The following MAGI2 variants were observed in gnomAD, a reference collection of about 807,000 sequenced individuals.
MAGI2 encodes the protein membrane associated guanylate kinase, WW and PDZ domain containing 2.
A neutral mutation model predicts 133.3 loss-of-function variants in MAGI2; 35 were observed. The ratio of observed to expected loss-of-function variants is 0.26; its 90% confidence interval spans 0.20 to 0.35. The LOEUF (loss-of-function observed/expected upper bound fraction) is 0.35. Ranked by LOEUF, MAGI2 falls within the 10% of genes least tolerant of loss-of-function variation. The probability of loss-of-function intolerance (pLI) is 1.00; values close to 1 mark genes in which losing one functional copy is unlikely to be tolerated. For synonymous variants in MAGI2, 729 were observed against 710.6 expected (o/e 1.03, Z -0.41); for missense variants, 1,636 against 1,863.4 (o/e 0.88, Z 2.25).
intron 1 of MAGI2, among the ~76,000 whole-genome samples, chr7:79,113,828 A>C (rs181699611): frequency 4.0e-4 from 61 of 151,834 alleles, no homozygotes; most frequent in African/African-American, 1.4e-3. Context: ...ACACACACAC[A>C]CACACACACT....
At chr7:78,698,542 A>G (rs1245790663) in intron 2 of MAGI2, among the ~76,000 whole-genome samples, 1 of 152,202 alleles carries the variant, frequency 6.6e-6, no homozygotes, top group Non-Finnish European at 1.5e-5. Flanking sequence ...CGGTACGTTT[A>G]AGAAAATAAT....
chr7:79,198,780 C>T (rs1026740519), intron 1 of MAGI2, among the ~76,000 whole-genome samples: 3 of 151,742 alleles, frequency 2.0e-5, no homozygotes, highest in Admixed American at 6.6e-5. Flanking sequence ...ACCAGCTATT[C>T]GGGAGGCTGA....
intron 16 of MAGI2, among the ~76,000 whole-genome samples, chr7:78,151,215 T>C (rs1384795390): frequency 6.6e-6 from 1 of 152,046 alleles, no homozygotes; most frequent in African/African-American, 2.4e-5. Context: ...TAGGTCCTAT[T>C]CATTCTGACC....
At chr7:79,378,924 G>GTATATATATATA (rs745327540) in intron 1 of MAGI2, among the ~76,000 whole-genome samples, 28 of 48,192 alleles carry the variant, frequency 5.8e-4, no homozygotes, top group East Asian at 1.1e-3. Context: ...ATATGTGTGT[G>GTATATATATATA]TGTATATATA....
chr7:78,450,695 T>G (rs1788634646), intron 6 of MAGI2, among the ~76,000 whole-genome samples: 1 of 152,038 alleles, frequency 6.6e-6, no homozygotes, highest in Admixed American at 6.6e-5. Context: ...TTGGCACAGA[T>G]AGCAAATACA....
At chr7:78,172,131 C>T (rs771758931) in intron 14 of MAGI2, among the ~76,000 whole-genome samples, 43 of 152,264 alleles carry the variant, frequency 2.8e-4, no homozygotes, top group Non-Finnish European at 4.7e-4. Flanking sequence ...CAAGTGGCTG[C>T]GGTGCCAGTA....
chr7:79,428,532 A>G (rs1563215181), intron 1 of MAGI2, among the ~76,000 whole-genome samples: 1 of 152,204 alleles, frequency 6.6e-6, no homozygotes, highest in Non-Finnish European at 1.5e-5. Context: ...ATTCATTAAT[A>G]GGCTTTTCTG....
chr7:78,598,725 CTG>C (rs1804877138), intron 3 of MAGI2, among the ~76,000 whole-genome samples: 1 of 152,082 alleles, frequency 6.6e-6, no homozygotes, highest in African/African-American at 2.4e-5. Flanking sequence ...GGAGGTGACA[CTG>C]GAAACCGTAG....
intron 9 of MAGI2, among the ~76,000 whole-genome samples, chr7:78,295,307 C>G (rs1797117235): frequency 6.6e-6 from 1 of 152,160 alleles, no homozygotes; most frequent in African/African-American, 2.4e-5. Context: ...TCTACTTTGG[C>G]TATAACCAGA....
intron 2 of MAGI2, among the ~76,000 whole-genome samples, chr7:78,737,297 A>C (rs768190424): frequency 7.9e-5 from 12 of 152,224 alleles, no homozygotes; most frequent in Non-Finnish European, 1.3e-4. Context: ...TAATTCAGTG[A>C]AACAATGAGC....
intron 6 of MAGI2, among the ~76,000 whole-genome samples, chr7:78,470,609 CA>C (rs1791099778): frequency 6.6e-6 from 1 of 151,902 alleles, no homozygotes; most frequent in Non-Finnish European, 1.5e-5. Context: ...ATGCAGTGAT[CA>C]AAAAACAACA....
In MAGI2 at chr7:78,501,745, T is replaced by A; in HGVS notation, c.797A>T (p.Glu266Val). 6.2e-7 allele frequency: 1 copy of A among 1,614,030 alleles called. No homozygotes were observed. Among genetic ancestry groups the A allele is most frequent in the Non-Finnish European group, 8.5e-7 (1 of 1,180,008 alleles). Residue 266 changes from glutamate (E) to valine (V), a missense_variant, in exon 5 of 22, where the codon GAG (glutamate) becomes GTG (valine). Glu to Val is a moderately radical substitution (Grantham distance 121). Around this residue, in one of 5 missense-constraint regions of MAGI2, gnomAD observed 165 missense variants for 128.4 expected, o/e 1.28. Transcript: ENST00000354212. Reference protein sequence around the residue: ...HEDKSAGASGEMPSQPYPAPV... With the variant: ...HEDKSAGASGVMPSQPYPAPV... ...TGCAGGATAAGGCTGGGAGGGCATCTCCCCTGAGGCACCTGCACTTTTGTC... is the reference window on the plus strand; with the variant it reads ...TGCAGGATAAGGCTGGGAGGGCATCACCCCTGAGGCACCTGCACTTTTGTC...
intron 1 of MAGI2, among the ~76,000 whole-genome samples, chr7:79,171,770 A>ATATATTTTTT: frequency 3.8e-4 from 12 of 31,214 alleles, no homozygotes; most frequent in Non-Finnish European, 5.6e-4. Context: ...ATATATATAT[A>ATATATTTTTT]TTTTTTTTTT....
At chr7:79,048,014 G>A (rs1268215096) in intron 1 of MAGI2, among the ~76,000 whole-genome samples, 1 of 152,164 alleles carries the variant, frequency 6.6e-6, no homozygotes, top group East Asian at 1.9e-4. Flanking sequence ...AGCTATCCAA[G>A]CATGAAGGTG....
chr7:78,367,396 C>G (rs552246879), intron 7 of MAGI2, among the ~76,000 whole-genome samples: 1 of 152,152 alleles, frequency 6.6e-6, no homozygotes, highest in Non-Finnish European at 1.5e-5. Context: ...AAAAAACAAC[C>G]GGAAGAATTA....
At position 79,453,209 on chromosome 7, in the gene MAGI2, T is replaced by C. The variant is rs758987325; in HGVS notation, c.112A>G (p.Asn38Asp). 6.2e-7 allele frequency: 1 copy of C among 1,613,920 alleles called. No homozygotes were observed. Among genetic ancestry groups the C allele is most frequent in the Non-Finnish European group, 8.5e-7 (1 of 1,180,026 alleles). The change falls in exon 1 of 22, where the codon AAT becomes GAT. Residue 38 changes from asparagine (N) to aspartate (D), a missense_variant. Asn to Asp is a conservative substitution (Grantham distance 23, BLOSUM62 1). Transcript: ENST00000354212. ...TCCCCCAGGTAGGGGAACTGTCCAT[T>C]CTCGGCGCCCCCCTTCAGTTCAAAG... is the stretch of plus-strand genomic sequence containing the variant. ...LGFELKGGAE[N>D]GQFPYLGEVK...
chr7:79,248,898 T>C (rs560243316), intron 1 of MAGI2, among the ~76,000 whole-genome samples: 10 of 152,106 alleles, frequency 6.6e-5, no homozygotes, highest in Non-Finnish European at 1.5e-4. Context: ...AGATTTGCTC[T>C]TGTTGCCCAG....
At chr7:78,058,393 T>C (rs573168791) in intron 21 of MAGI2, among the ~76,000 whole-genome samples, 2 of 152,278 alleles carry the variant, frequency 1.3e-5, no homozygotes, top group East Asian at 3.9e-4. Context: ...ATCTGCTCTT[T>C]CGGTTTTAAC....
At chr7:78,485,717 C>T (rs1792926694) in intron 6 of MAGI2, 4 of 151,906 alleles carry the variant, frequency 2.6e-5, no homozygotes, top group Admixed American at 2.6e-4. Context: ...ACACTACATA[C>T]CTCCATACAT....
Sources: gnomAD v4.1 joint callset for allele counts (sites outside exome capture counted in the v4.1 genomes callset) on GRCh38, gnomAD v4.1.1 for gene constraint, gnomAD v4.1.1 regional missense constraint, MANE v1.5 for transcripts, NCBI Gene and HGNC (gene_info 2026-07-23, HGNC 2026-07-21) for gene names.